The following LYN variants were observed in gnomAD, a reference collection of about 807,000 sequenced individuals.
LYN encodes the protein tyrosine-protein kinase Lyn.
A neutral mutation model predicts 65.0 loss-of-function variants in LYN; 12 were observed. The observed-to-expected ratio is 0.18, with a 90% CI of 0.12 to 0.30. The LOEUF (loss-of-function observed/expected upper bound fraction) is 0.30. LYN is among the 10% of genes least tolerant of loss of function. The pLI, the probability that LYN is intolerant of heterozygous loss-of-function variation, is 1.00. For missense variants in LYN, 380 were observed against 623.2 expected (o/e 0.61, Z 4.16); for synonymous variants, 222 against 221.2 (o/e 1.00, Z -0.03).
In LYN at chr8:55,912,742, AC is replaced by A. The variant is rs1805676039; in HGVS notation, c.-5-29112del. Reference sequence around the variant, plus strand: ...ACTCCATCTGAAAAAAAAAAACAAAACAAAACAAAACAGAGAAGAAATTCCT... The same window carrying A: ...ACTCCATCTGAAAAAAAAAAACAAAAAAAACAAAACAGAGAAGAAATTCCT... On this transcript the variant is annotated intron_variant, in intron 1 of 12. Transcript: ENST00000519728. 7.9e-5 allele frequency among the ~76,000 whole-genome samples: 12 copies of A among 151,124 alleles called. 1 individual carries two copies. Among genetic ancestry groups the A allele is most frequent in the African/African-American group, 2.9e-4 (12 of 41,152 alleles).
At chr8:55,924,899 T>G (rs777164782) in intron 1 of LYN, among the ~76,000 whole-genome samples, 4 of 151,730 alleles carry the variant, frequency 2.6e-5, no homozygotes, top group Non-Finnish European at 5.9e-5. Context: ...TGCAGTGCGG[T>G]GGTGCGATCG....
At chr8:55,894,225 G>T in intron 1 of LYN, 1 of 152,884 alleles carries the variant, frequency 6.5e-6, no homozygotes, top group South Asian at 1.9e-4. Flanking sequence ...ATTTTAGACA[G>T]GGTCTTGTTC....
At chr8:55,958,255 T>C (rs1386495333) in intron 8 of LYN, among the ~76,000 whole-genome samples, 1 of 152,244 alleles carries the variant, frequency 6.6e-6, no homozygotes, top group Non-Finnish European at 1.5e-5. Context: ...TTCTCTTCTT[T>C]CCTGCACACA....
chr8:56,007,432 A>C (rs1029082558), intron 12 of LYN, among the ~76,000 whole-genome samples: 3 of 152,274 alleles, frequency 2.0e-5, no homozygotes, highest in African/African-American at 7.2e-5. Flanking sequence ...GAAGTATTTT[A>C]GTTAGAAAAT....
At chr8:55,999,800 C>T (rs780406416) in intron 12 of LYN, among the ~76,000 whole-genome samples, 5 of 151,946 alleles carry the variant, frequency 3.3e-5, no homozygotes, top group Non-Finnish European at 5.9e-5. Context: ...GGAGAAACCC[C>T]GTCTCTACTA....
intron 1 of LYN, among the ~76,000 whole-genome samples, chr8:55,884,925 C>T (rs1440134960): frequency 2.0e-5 from 3 of 152,268 alleles, no homozygotes; most frequent in African/African-American, 7.2e-5. Context: ...CCTTATTTGC[C>T]ACAGAGCTAT....
intron 1 of LYN, among the ~76,000 whole-genome samples, chr8:55,925,180 T>A (rs1434975465): frequency 6.6e-6 from 1 of 152,174 alleles, no homozygotes; most frequent in Non-Finnish European, 1.5e-5. Flanking sequence ...TAGGGTGCAG[T>A]GGTGCAATCA....
intron 1 of LYN, among the ~76,000 whole-genome samples, chr8:55,920,297 T>C (rs1291698101): frequency 6.6e-6 from 1 of 152,168 alleles, no homozygotes; most frequent in African/African-American, 2.4e-5. Context: ...TACACCGCTT[T>C]CTTTGTTAGC....
intron 12 of LYN, among the ~76,000 whole-genome samples, chr8:56,004,580 C>T (rs377411959): frequency 6.6e-5 from 10 of 152,256 alleles, no homozygotes; most frequent in African/African-American, 2.4e-4. Context: ...AGGCATGAGC[C>T]ACCGTGTGCA....
intron 1 of LYN, among the ~76,000 whole-genome samples, chr8:55,923,346 C>T (rs773491595): frequency 6.6e-6 from 1 of 152,106 alleles, no homozygotes; most frequent in Non-Finnish European, 1.5e-5. Flanking sequence ...CACATCTGCT[C>T]AGTTTCCGCC....
chr8:55,905,974 G>T (rs1423690677), intron 1 of LYN, among the ~76,000 whole-genome samples: 2 of 152,204 alleles, frequency 1.3e-5, no homozygotes, highest in Non-Finnish European at 2.9e-5. Context: ...AAACCACCAA[G>T]TGCAGCATAG....
intron 2 of LYN, 82 bp downstream of exon 2, chr8:55,942,073 T>C (rs932779683): frequency 8.4e-6 from 12 of 1,432,318 alleles, no homozygotes; most frequent in African/African-American, 1.5e-5. Flanking sequence ...CTGTAATATG[T>C]GCATGCAAAA....
intron 8 of LYN, among the ~76,000 whole-genome samples, chr8:55,962,651 G>GTGCT (rs1180271687): frequency 6.6e-6 from 1 of 152,206 alleles, no homozygotes; most frequent in Non-Finnish European, 1.5e-5. Context: ...ATATTGTGCT[G>GTGCT]TGCTGCATGT....
chr8:55,882,013 C>G (rs1437446889), intron 1 of LYN, among the ~76,000 whole-genome samples: 2 of 152,126 alleles, frequency 1.3e-5, no homozygotes, highest in African/African-American at 4.8e-5. Flanking sequence ...CCTACTGGCC[C>G]TTTCTGTTGT....
intron 1 of LYN, among the ~76,000 whole-genome samples, chr8:55,880,980 G>C (rs950816782): frequency 2.6e-5 from 4 of 152,104 alleles, no homozygotes; most frequent in African/African-American, 9.7e-5. Flanking sequence ...GCCCTTCTTC[G>C]CCAGCTCAGA....
intron 1 of LYN, among the ~76,000 whole-genome samples, chr8:55,881,561 A>G (rs1207592666): frequency 2.0e-5 from 3 of 152,194 alleles, no homozygotes; most frequent in Non-Finnish European, 2.9e-5. Flanking sequence ...ACTGGATCAT[A>G]GAGTCTTTGG....
At chr8:56,001,721 T>C (rs1400019658) in intron 12 of LYN, among the ~76,000 whole-genome samples, 1 of 152,154 alleles carries the variant, frequency 6.6e-6, no homozygotes, top group African/African-American at 2.4e-5. Flanking sequence ...CTATAATCTG[T>C]CTGTAGAGAA....
At chr8:55,926,825 A>T (rs975132782) in intron 1 of LYN, among the ~76,000 whole-genome samples, 8 of 152,210 alleles carry the variant, frequency 5.3e-5, no homozygotes, top group Admixed American at 3.9e-4. Context: ...ATATACTTTT[A>T]AAAAAATTAA....
chr8:55,973,412 AT>A (rs1368985694), intron 10 of LYN, among the ~76,000 whole-genome samples: 2 of 152,192 alleles, frequency 1.3e-5, no homozygotes, highest in Non-Finnish European at 2.9e-5. Context: ...AAATTAAGCA[AT>A]TTAGTGCTTT....
Sources: allele counts gnomAD v4.1 joint callset (sites outside exome capture counted in the v4.1 genomes callset), GRCh38; gene constraint gnomAD v4.1.1; transcripts MANE v1.5; gene names NCBI Gene and HGNC (gene_info 2026-07-23, HGNC 2026-07-21).